NR3C1: variants seen among roughly 807,000 people sequenced by gnomAD.
NR3C1 encodes nuclear receptor subfamily 3 group C member 1, also known as glucocorticoid receptor.
Under a neutral mutation model 74.0 loss-of-function variants are expected in NR3C1, and 14 were observed. The ratio of observed to expected loss-of-function variants is 0.19; its 90% CI spans 0.12 to 0.30. The LOEUF is 0.30. NR3C1 is among the 10% of genes least tolerant of loss of function. NR3C1 has a pLI of 1.00. For missense variants in NR3C1, 695 were observed against 909.8 expected (o/e 0.76, Z 3.04); for synonymous variants, 308 against 332.5 (o/e 0.93, Z 0.80).
upstream of NR3C1, chr5:143,403,732 C>G (rs945348028): frequency 1.0e-6 from 1 of 985,178 alleles, no homozygotes; most frequent in Non-Finnish European, 1.2e-6. Flanking sequence ...CACTCCACCC[C>G]CGGCCGCTCC....
At chr5:143,348,450 C>A (rs1057289304) in intron 2 of NR3C1, among the ~76,000 whole-genome samples, 2 of 152,144 alleles carry the variant, frequency 1.3e-5, no homozygotes. Flanking sequence ...TGGATAAGCA[C>A]AGAATAGCAA....
chr5:143,339,464 A>C (rs1409269560), intron 2 of NR3C1, among the ~76,000 whole-genome samples: 1 of 152,090 alleles, frequency 6.6e-6, no homozygotes, highest in Non-Finnish European at 1.5e-5. Flanking sequence ...CAATCCTTCA[A>C]CTGAGCTTTT....
At chr5:143,394,346 A>T (rs1388268015) in intron 2 of NR3C1, among the ~76,000 whole-genome samples, 1 of 152,058 alleles carries the variant, frequency 6.6e-6, no homozygotes, top group Non-Finnish European at 1.5e-5. Context: ...GTGACTGTCT[A>T]GCACTTGCAG....
At chr5:143,356,606 G>T (rs1164494409) in intron 2 of NR3C1, among the ~76,000 whole-genome samples, 2 of 151,516 alleles carry the variant, frequency 1.3e-5, no homozygotes, top group Non-Finnish European at 2.9e-5. Context: ...TTGGAGTTTT[G>T]GTTCCTGCAA....
chr5:143,313,527 C>T (rs1251799775), intron 3 of NR3C1, among the ~76,000 whole-genome samples: 1 of 151,476 alleles, frequency 6.6e-6, no homozygotes, highest in Non-Finnish European at 1.5e-5. Context: ...CCACTTAGCA[C>T]AGTGCCCTGG....
chr5:143,308,015 T>G (rs897124604), intron 4 of NR3C1, among the ~76,000 whole-genome samples: 16 of 152,228 alleles, frequency 1.1e-4, no homozygotes, highest in Admixed American at 4.6e-4. Context: ...GCAGTTAAGT[T>G]TAAATAGCCT....
chr5:143,403,924 C>G (rs1840837997), upstream of NR3C1: 4 of 984,128 alleles, frequency 4.1e-6, no homozygotes, highest in South Asian at 1.4e-4. Context: ...GTGCGCCGCG[C>G]TTCGCCCCCC....
intron 2 of NR3C1, among the ~76,000 whole-genome samples, chr5:143,328,009 T>C (rs998514954): frequency 6.6e-6 from 1 of 152,238 alleles, no homozygotes; most frequent in Non-Finnish European, 1.5e-5. Context: ...CCCTTCCGCA[T>C]TGCCCTAGCA....
At chr5:143,416,924 G>T (rs1750932511) in intron 1 of NR3C1, among the ~76,000 whole-genome samples, 1 of 152,022 alleles carries the variant, frequency 6.6e-6, no homozygotes, top group Non-Finnish European at 1.5e-5. Context: ...CACCTATTCT[G>T]GTTACATCTG....
chr5:143,344,615 G>A lies in NR3C1; in HGVS notation c.1185-30447C>T, dbSNP rs1828876643. Among the ~76,000 whole-genome samples the A allele has an allele frequency of 2.0e-5, 3 of 152,186 alleles. No individual in the cohort carries two copies. The South Asian group carries it at 6.2e-4, about 31-fold the overall frequency. ...TGACTGGGCGCGGTAGCTCACGCCT[G>A]TAATCCCATCACTTTGGGAGGCCAA... On this transcript the variant is annotated intron_variant, in intron 2 of 8. Coordinates refer to ENST00000394464, the MANE Select transcript of NR3C1 (RefSeq NM_000176.3).
At chr5:143,384,890 TG>T (rs1324806587) in intron 2 of NR3C1, among the ~76,000 whole-genome samples, 2 of 152,248 alleles carry the variant, frequency 1.3e-5, no homozygotes, top group Admixed American at 1.3e-4. Flanking sequence ...GGTCTCTGTG[TG>T]GGGGCTCTAA....
At chr5:143,430,537 T>G (rs973403832) in intron 1 of NR3C1, among the ~76,000 whole-genome samples, 2 of 152,166 alleles carry the variant, frequency 1.3e-5, no homozygotes, top group Non-Finnish European at 2.9e-5. Flanking sequence ...TATTAGGAGG[T>G]AGGGCCTTTG....
At position 143,319,966 on chromosome 5, in the gene NR3C1, A is replaced by C. The variant is rs1308930775; in HGVS notation, c.1185-5798T>G. ...CATGGACTATACGGCTTAGTTATCA[A>C]GTACAGGATTGGCTTGAGCCAGTAA... On this transcript the variant is annotated intron_variant, in intron 2 of 8. Transcript: ENST00000394464. Among the ~76,000 whole-genome samples the C allele has an allele frequency of 2.6e-5, 4 of 152,362 alleles. No individual in the cohort carries two copies. In the South Asian group the frequency reaches 8.3e-4, roughly 32 times the overall value.
Position 143,400,743 on chromosome 5 carries a change from G to A in NR3C1, c.97C>T (p.Leu33=). 1 of 1,614,174 alleles carries A rather than the reference G, an allele frequency of 6.2e-7. No homozygotes were observed. The highest frequency in any genetic ancestry group is 8.5e-7 in the Non-Finnish European group (1 of 1,180,046). ...RGDVMDFYKT[L]RGGATVKVSA... is the part of the protein sequence containing the mutation. ...ACCTTCACAGTAGCTCCTCCTCTTA[G>A]GGTTTTATAGAAGTCCATCACATCT... Residue 33 remains leucine, a synonymous_variant, in exon 2 of 9, where the codon CTA becomes TTA. Coordinates refer to ENST00000394464, the MANE Select transcript of NR3C1 (RefSeq NM_000176.3).
At chr5:143,411,900 G>T (rs994519398) in intron 1 of NR3C1, among the ~76,000 whole-genome samples, 1 of 151,988 alleles carries the variant, frequency 6.6e-6, no homozygotes, top group Non-Finnish European at 1.5e-5. Context: ...CAGGCACATT[G>T]GCCCAAGGAA....
chr5:143,398,635 G>T (rs1447001883), intron 2 of NR3C1, among the ~76,000 whole-genome samples: 2 of 151,816 alleles, frequency 1.3e-5, no homozygotes, highest in African/African-American at 4.8e-5. Context: ...AAAAAAACCC[G>T]CTGATTAATC....
chr5:143,327,779 G>T (rs571081746), intron 2 of NR3C1, among the ~76,000 whole-genome samples: 2 of 152,374 alleles, frequency 1.3e-5, no homozygotes, highest in East Asian at 3.9e-4. Context: ...ACTGAAGTAA[G>T]GGGTGGGCTT....
At chr5:143,341,264 G>C (rs1217392277) in intron 2 of NR3C1, among the ~76,000 whole-genome samples, 1 of 152,196 alleles carries the variant, frequency 6.6e-6, no homozygotes, top group African/African-American at 2.4e-5. Context: ...AGGCTTAGTA[G>C]GATCTGCTAA....
In NR3C1 at chr5:143,298,763, G is replaced by A. The variant is rs61753497; in HGVS notation, c.1797C>T (p.Ser599=). ...GAGCAAATGCCATAAGAAACATCCA[G>A]GAGTACTGCAGTAGGGTCATTTGGT... ...LDDQMTLLQY[S]WMFLMAFALG... is the part of the protein sequence containing the mutation. Residue 599 remains serine, a synonymous_variant, in exon 6 of 9, where the codon TCC becomes TCT. Coordinates refer to ENST00000394464, the MANE Select transcript of NR3C1 (RefSeq NM_000176.3). The A allele has an allele frequency of 1.2e-6, 2 of 1,613,828 alleles. No homozygotes were observed. The highest frequency in any genetic ancestry group is 3.3e-5 in the Admixed American group (2 of 60,002).
Sources: allele counts gnomAD v4.1 joint callset (sites outside exome capture counted in the v4.1 genomes callset), GRCh38; gene constraint gnomAD v4.1.1; transcripts MANE v1.5; gene names NCBI Gene and HGNC (gene_info 2026-07-23, HGNC 2026-07-21).